WDFY4: variants seen among roughly 807,000 people sequenced by gnomAD.
The protein encoded by WDFY4 is WDFY family member 4.
A neutral mutation model predicts 351.9 loss-of-function variants in WDFY4; 169 were observed. The observed-to-expected ratio is 0.48, with a 90% CI of 0.42 to 0.55. WDFY4 has a LOEUF of 0.55. Ranked by LOEUF, WDFY4 falls within the 20% of genes least tolerant of loss-of-function variation. The pLI, the probability that WDFY4 is intolerant of heterozygous loss-of-function variation, is 0.00. For missense variants in WDFY4, 3,803 were observed against 3,935.6 expected, an observed-to-expected ratio of 0.97 and a Z score of 0.90; for synonymous variants, 1,622 against 1,574.6, an observed-to-expected ratio of 1.03 and a Z score of -0.71.
chr10:48,723,526 C>T lies in WDFY4; in HGVS notation c.550C>T (p.Leu184Phe). 1 of 1,551,850 alleles carries T rather than the reference C, an allele frequency of 6.4e-7. No individual in the cohort carries two copies. Among genetic ancestry groups the T allele is most frequent in the South Asian group, 1.2e-5 (1 of 84,058 alleles). ...TGTCTTTCCTCTGGACAAAGATGAGCTTCTTGAGAGTGATCTTCAAGTTCA... is the reference window on the plus strand; with the variant it reads ...TGTCTTTCCTCTGGACAAAGATGAGTTTCTTGAGAGTGATCTTCAAGTTCA... ...FFVFPLDKDELLESDLQVQKM... is the reference protein window; with the variant it reads ...FFVFPLDKDEFLESDLQVQKM... The change falls in exon 5 of 62, where the codon CTT (leucine) becomes TTT (phenylalanine). Residue 184 changes from leucine to phenylalanine, a missense_variant. By Grantham distance (22) the Leu-to-Phe change is conservative. Coordinates refer to ENST00000325239, the MANE Select transcript of WDFY4 (RefSeq NM_001394531.1).
chr10:48,773,762 A>T (rs952880251), intron 13 of WDFY4, among the ~76,000 whole-genome samples: 1 of 152,174 alleles, frequency 6.6e-6, no homozygotes, highest in African/African-American at 2.4e-5. Flanking sequence ...CAGAGACTTT[A>T]GTTGGCCTGC....
At chr10:48,942,935 T>C (rs575270099) in intron 48 of WDFY4, among the ~76,000 whole-genome samples, 1 of 152,322 alleles carries the variant, frequency 6.6e-6, no homozygotes, top group Admixed American at 6.5e-5. Flanking sequence ...GGCCTCTGTC[T>C]CTGGGACTGC....
At chr10:48,890,827 C>G in intron 44 of WDFY4, 100 bp downstream of exon 44, 1 of 1,483,010 alleles carries the variant, frequency 6.7e-7, no homozygotes, top group Non-Finnish European at 9.1e-7. Flanking sequence ...TTACAGTGGG[C>G]TTAGATTTGG....
intron 45 of WDFY4, 24 bp downstream of exon 45, chr10:48,897,598 G>T: frequency 6.5e-7 from 1 of 1,538,644 alleles, no homozygotes; most frequent in South Asian, 1.2e-5. Flanking sequence ...GTGCTGGCAC[G>T]CCTGGGGCCT....
chr10:48,935,903 C>CTTT (rs11455025), intron 47 of WDFY4, among the ~76,000 whole-genome samples: 123 of 149,370 alleles, frequency 8.2e-4, no homozygotes, highest in South Asian at 3.4e-3. Context: ...CATCTATGGT[C>CTTT]TTTTTTTTTT....
intron 12 of WDFY4, among the ~76,000 whole-genome samples, chr10:48,752,129 T>C (rs542562083): frequency 4.6e-5 from 7 of 152,306 alleles, no homozygotes; most frequent in African/African-American, 1.7e-4. Context: ...CAGAACCTTG[T>C]CTCCATTCCT....
intron 17 of WDFY4, among the ~76,000 whole-genome samples, chr10:48,778,188 C>A (rs2066097722): frequency 6.6e-6 from 1 of 152,230 alleles, no homozygotes; most frequent in Non-Finnish European, 1.5e-5. Flanking sequence ...GACGTTTTTC[C>A]ATGTGAGTTG....
intron 16 of WDFY4, 50 bp downstream of exon 16, chr10:48,777,034 G>C: frequency 6.6e-7 from 1 of 1,504,532 alleles, no homozygotes; most frequent in Non-Finnish European, 9.0e-7. Flanking sequence ...ATTTTGCAGT[G>C]CCTCTGATGA....
At chr10:48,769,901 G>T (rs977936112) in intron 13 of WDFY4, among the ~76,000 whole-genome samples, 1 of 152,226 alleles carries the variant, frequency 6.6e-6, no homozygotes, top group Non-Finnish European at 1.5e-5. Context: ...GTGCTAATTT[G>T]CCTTGCGGGC....
In WDFY4 at chr10:48,823,622, C is replaced by T. The variant is rs1308576344; in HGVS notation, c.5982+1085C>T. The T allele has an allele frequency of 5.9e-6, 6 of 1,015,870 alleles. No individual in the cohort carries two copies. The Admixed American group carries it at 2.6e-4, about 43-fold the overall frequency. The allele number at this position is 1,015,870 out of a possible 1,614,324, so 62.9% of individuals were successfully genotyped here. On this transcript the variant is annotated intron_variant, in intron 35 of 61. Transcript: ENST00000325239. ...AGAGGAGAAATAGCCCTTGTCAGCTCTGTGAGGGTTAAAATCAGATTCCTG... is the reference window on the plus strand; with the variant it reads ...AGAGGAGAAATAGCCCTTGTCAGCTTTGTGAGGGTTAAAATCAGATTCCTG...
chr10:48,981,635 T>C (rs185971074), intron 61 of WDFY4, among the ~76,000 whole-genome samples, 157 bp downstream of exon 61: 4 of 152,354 alleles, frequency 2.6e-5, no homozygotes, highest in Admixed American at 2.6e-4. Context: ...CGTGTGGCCA[T>C]ATAGAGCCCC....
chr10:48,901,690 G>T, intron 46 of WDFY4, 111 bp from the exon 47 acceptor site: 1 of 1,188,198 alleles, frequency 8.4e-7, no homozygotes, highest in Non-Finnish European at 1.2e-6. Flanking sequence ...AGGATGGAGC[G>T]AGGGGGAGCA....
intron 24 of WDFY4, among the ~76,000 whole-genome samples, chr10:48,802,158 T>C (rs1323506598): frequency 2.0e-5 from 3 of 151,898 alleles, no homozygotes; most frequent in African/African-American, 7.3e-5. Flanking sequence ...GAGGAACACT[T>C]GAGCCCAAGA....
chr10:48,862,916 T>C (rs1379499791), intron 39 of WDFY4, among the ~76,000 whole-genome samples: 1 of 152,240 alleles, frequency 6.6e-6, no homozygotes, highest in Non-Finnish European at 1.5e-5. Context: ...ATATACTTTC[T>C]CTATAAACAT....
At chr10:48,925,737 G>A (rs1362600417) in intron 47 of WDFY4, among the ~76,000 whole-genome samples, 2 of 152,102 alleles carry the variant, frequency 1.3e-5, no homozygotes. Context: ...TGCAGAAGCA[G>A]GGGTTGGAAT....
intron 17 of WDFY4, among the ~76,000 whole-genome samples, chr10:48,778,311 G>T (rs928944851): frequency 3.9e-5 from 6 of 152,222 alleles, no homozygotes; most frequent in Admixed American, 6.5e-5. Context: ...TTCCTAGATT[G>T]GTGCCCTTTC....
chr10:48,828,809 C>A lies in WDFY4; in HGVS notation c.6253C>A (p.Pro2085Thr), dbSNP rs774724495. The change falls in exon 37 of 62, where the codon CCT becomes ACT. Residue 2085 changes from proline to threonine, a missense_variant. Transcript: ENST00000325239. Reference sequence around the variant, plus strand: ...AGAAGGATTTGGATTGGAGCCCAAGCCTAGAATGTCTACTTATCATCAAGT... The same window carrying A: ...AGAAGGATTTGGATTGGAGCCCAAGACTAGAATGTCTACTTATCATCAAGT... ...YPEGFGLEPK[P>T]RMSTYHQVFL... 1.9e-6 allele frequency: 3 copies of A among 1,549,460 alleles called. No individual in the cohort carries two copies. Among genetic ancestry groups the A allele is most frequent in the Non-Finnish European group, 1.7e-6 (2 of 1,146,124 alleles).
At chr10:48,738,764 C>T (rs926918885) in intron 11 of WDFY4, among the ~76,000 whole-genome samples, 1 of 152,244 alleles carries the variant, frequency 6.6e-6, no homozygotes, top group Non-Finnish European at 1.5e-5. Context: ...TGAGAGCCAA[C>T]TCTGCCCATA....
chr10:48,956,118 A>G (rs1589988745), intron 51 of WDFY4, among the ~76,000 whole-genome samples: 1 of 152,204 alleles, frequency 6.6e-6, no homozygotes, highest in East Asian at 1.9e-4. Flanking sequence ...CAAACCCCCA[A>G]GACCACCTGG....
Sources: allele counts gnomAD v4.1 joint callset (sites outside exome capture counted in the v4.1 genomes callset), GRCh38; gene constraint gnomAD v4.1.1; transcripts MANE v1.5; gene names NCBI Gene and HGNC (gene_info 2026-07-23, HGNC 2026-07-21).